Variants in CPNE4 observed in about 807,000 individuals in gnomAD.
The protein encoded by CPNE4 is copine-4.
In CPNE4, 25 loss-of-function variants were observed where a neutral mutation model predicts 67.9. That is an observed-to-expected ratio of 0.37 (90% CI 0.27 to 0.51). CPNE4 has a LOEUF of 0.51. Among genes scored for constraint, CPNE4 ranks in the 20% least tolerant of loss-of-function variants. The pLI is 0.93. For missense variants in CPNE4, 464 were observed against 690.8 expected (o/e 0.67, Z 3.68); for synonymous variants, 242 against 244.9 (o/e 0.99, Z 0.11).
rs1371529292 is a variant in CPNE4 at position 131,978,098 on chromosome 3, TAA to T, written c.-2+56467_-2+56468del. Among the ~76,000 whole-genome samples the T allele has an allele frequency of 1.3e-4, 10 of 76,396 alleles. 1 individual carries two copies. Among genetic ancestry groups the T allele is most frequent in the South Asian group, 1.2e-3 (4 of 3,354 alleles). 50.1% of individuals were successfully genotyped at this position (76,396 alleles called of 152,430 possible). A position where few individuals can be genotyped will look rare whatever the true frequency, so the allele number is the denominator to read the frequency against. On this transcript the variant is annotated intron_variant, in intron 1 of 15. Coordinates refer to ENST00000429747, the MANE Select transcript of CPNE4 (RefSeq NM_130808.3). Reference sequence around the variant, plus strand: ...ATATAAATATATATAAATATATATATAAATATATATAAAATATATATAAATAT... The same window carrying T: ...ATATAAATATATATAAATATATATATATATATATAAAATATATATAAATAT...
chr3:131,825,918 G>C (rs186789417), intron 2 of CPNE4, among the ~76,000 whole-genome samples: 2 of 152,172 alleles, frequency 1.3e-5, no homozygotes, highest in Admixed American at 1.3e-4. Context: ...TCCAAGCAGC[G>C]TTTATATTCT....
chr3:131,971,774 A>G (rs1198599881), intron 1 of CPNE4, among the ~76,000 whole-genome samples: 1 of 152,172 alleles, frequency 6.6e-6, no homozygotes, highest in Non-Finnish European at 1.5e-5. Flanking sequence ...ATTGCCCTTC[A>G]GCTTCCAAGT....
At chr3:132,010,744 C>T (rs2073739863) in intron 1 of CPNE4, among the ~76,000 whole-genome samples, 1 of 152,196 alleles carries the variant, frequency 6.6e-6, no homozygotes, top group Non-Finnish European at 1.5e-5. Flanking sequence ...TCAGGCCAGA[C>T]ATAGCCACAT....
intron 1 of CPNE4, among the ~76,000 whole-genome samples, chr3:131,948,964 A>G (rs2071640163): frequency 6.6e-6 from 1 of 152,240 alleles, no homozygotes; most frequent in Non-Finnish European, 1.5e-5. Flanking sequence ...TTGCTGTCAG[A>G]TTAACTGGGT....
chr3:131,738,509 T>A (rs1328412300), intron 2 of CPNE4, among the ~76,000 whole-genome samples: 1 of 152,232 alleles, frequency 6.6e-6, no homozygotes, highest in Admixed American at 6.5e-5. Context: ...AGAAGAAATT[T>A]AAGCAACAGA....
intron 4 of CPNE4, among the ~76,000 whole-genome samples, chr3:131,698,983 C>T (rs1419328834): frequency 2.0e-5 from 3 of 149,676 alleles, no homozygotes; most frequent in East Asian, 3.9e-4. Flanking sequence ...TCAAGAGGTT[C>T]GTTTTCTGGC....
chr3:132,007,349 A>G (rs147903623), intron 1 of CPNE4, among the ~76,000 whole-genome samples: 2 of 152,254 alleles, frequency 1.3e-5, no homozygotes, highest in East Asian at 3.9e-4. Flanking sequence ...CCTATTCTCC[A>G]AGCAGCAACT....
At chr3:132,003,575 T>C (rs2073510519) in intron 1 of CPNE4, among the ~76,000 whole-genome samples, 1 of 83,256 alleles carries the variant, frequency 1.2e-5, no homozygotes, top group Admixed American at 1.2e-4. Flanking sequence ...CTTCACCACC[T>C]GCTTCTGGGT....
intron 1 of CPNE4, among the ~76,000 whole-genome samples, chr3:131,939,094 G>A (rs1339516135): frequency 1.3e-5 from 2 of 152,128 alleles, no homozygotes; most frequent in Admixed American, 6.6e-5. Flanking sequence ...ATTCCGAATT[G>A]TAAACGCATA....
In CPNE4 at chr3:131,648,097, G is replaced by A. The variant is rs76105387; in HGVS notation, c.681+21578C>T. Among the ~76,000 whole-genome samples, 696 of 152,284 alleles carry A rather than the reference G, an allele frequency of 4.6e-3. 7 individuals are homozygous for A. Among genetic ancestry groups the A allele is most frequent in the African/African-American group, 0.016 (657 of 41,546 alleles). ...ATTTAAAATAAGTCTGTGTGGCTGG[G>A]CATAGTGGTTTATGCCTGGAATCAC... On this transcript the variant is annotated intron_variant, in intron 7 of 15. Transcript: ENST00000429747.
chr3:132,022,746 G>T (rs2074024463), intron 1 of CPNE4, among the ~76,000 whole-genome samples: 1 of 152,090 alleles, frequency 6.6e-6, no homozygotes, highest in Non-Finnish European at 1.5e-5. Flanking sequence ...AAGTTGTTCA[G>T]CAAACCAGTG....
intron 9 of CPNE4, among the ~76,000 whole-genome samples, chr3:131,581,335 G>A (rs56210890): frequency 0.025 from 3,799 of 152,262 alleles, 85 homozygotes; most frequent in African/African-American, 0.064. Context: ...ACCTATCAGC[G>A]GAACTCTCCT....
chr3:131,848,802 G>T (rs1267936095), intron 2 of CPNE4, among the ~76,000 whole-genome samples: 2 of 151,596 alleles, frequency 1.3e-5, no homozygotes, highest in African/African-American at 4.9e-5. Context: ...AGCGTCAATT[G>T]CTTCTAAAAT....
chr3:131,878,612 A>G (rs1583391109), intron 2 of CPNE4, among the ~76,000 whole-genome samples: 3 of 152,370 alleles, frequency 2.0e-5, no homozygotes, highest in South Asian at 2.1e-4. Flanking sequence ...TAAAATAAAA[A>G]TAATTAATCT....
chr3:131,841,531 A>T (rs2085781092), intron 2 of CPNE4, among the ~76,000 whole-genome samples: 1 of 152,178 alleles, frequency 6.6e-6, no homozygotes, highest in African/African-American at 2.4e-5. Flanking sequence ...TGAACTGCAC[A>T]TGTGAGGGAT....
intron 1 of CPNE4, among the ~76,000 whole-genome samples, chr3:131,953,004 G>A (rs1355463599): frequency 4.7e-5 from 7 of 150,248 alleles, no homozygotes; most frequent in Non-Finnish European, 7.4e-5. Context: ...GATTAAGGGC[G>A]GTGCAAGATG....
intron 11 of CPNE4, among the ~76,000 whole-genome samples, chr3:131,557,846 A>G (rs1936546876): frequency 6.6e-6 from 1 of 151,980 alleles, no homozygotes. Flanking sequence ...TTTCTAGTTA[A>G]GCCTGAAGTA....
At position 131,935,331 on chromosome 3, in the gene CPNE4, A is replaced by G. The variant is rs147036448; in HGVS notation, c.-1-29887T>C. Among the ~76,000 whole-genome samples the G allele has an allele frequency of 2.4e-3, 362 of 152,342 alleles. 2 individuals are homozygous for G. Among genetic ancestry groups the G allele is most frequent in the African/African-American group, 8.2e-3 (342 of 41,594 alleles). On this transcript the variant is annotated intron_variant, in intron 1 of 15. Coordinates refer to ENST00000429747, the MANE Select transcript of CPNE4 (RefSeq NM_130808.3). ...AACAGGAAGGGGCTGGTAGAATTGA[A>G]GAAATCAATAACTTGGACATCTCAA...
At chr3:131,705,318 C>G (rs1054474160) in intron 3 of CPNE4, among the ~76,000 whole-genome samples, 5 of 152,122 alleles carry the variant, frequency 3.3e-5, no homozygotes, top group Admixed American at 6.5e-5. Flanking sequence ...CACCCCAGAC[C>G]CACTGAATCC....
Sources: gnomAD v4.1 joint callset for allele counts (sites outside exome capture counted in the v4.1 genomes callset) on GRCh38, gnomAD v4.1.1 for gene constraint, MANE v1.5 for transcripts, NCBI Gene and HGNC (gene_info 2026-07-23, HGNC 2026-07-21) for gene names.